Variants in TUBB2B observed in about 807,000 individuals in gnomAD.
The protein encoded by TUBB2B is tubulin beta-2B chain.
Under a neutral mutation model 35.0 loss-of-function variants are expected in TUBB2B, and 5 were observed. The ratio of observed to expected loss-of-function variants is 0.14; its 90% CI spans 0.07 to 0.30. The LOEUF is 0.30. TUBB2B is among the 10% of genes least tolerant of loss of function. TUBB2B has a pLI of 1.00. For synonymous variants in TUBB2B, 166 were observed against 250.5 expected (o/e 0.66, Z 3.18); for missense variants, 63 against 601.8 (o/e 0.10, Z 9.37).
In TUBB2B at chr6:3,227,471, G is replaced by A. The variant is rs755315321; in HGVS notation, c.57+16C>T. On this transcript the variant is annotated intron_variant, in intron 1 of 3. Transcript: ENST00000259818. The surrounding 1 kb of genome is among the most constrained non-coding windows in gnomAD (Gnocchi z 7.8). The stretch of plus-strand genomic sequence containing the variant: ...TTCGCGCCCCCATTGGACCCCCTCC[G>A]CTGCGGCGCGCCCACCTTGGCGCCG... 24 of 1,606,038 alleles carry A rather than the reference G, an allele frequency of 1.5e-5. No individual in the cohort carries two copies. The Admixed American group carries it at 3.8e-4, about 26-fold the overall frequency.
rs1757305271 is a variant in TUBB2B, at chr6:3,227,586, T to C, written c.-43A>G. On this transcript the variant is annotated 5_prime_UTR_variant, in exon 1 of 4. Coordinates refer to ENST00000259818, the MANE Select transcript of TUBB2B (RefSeq NM_178012.5). The surrounding 1 kb of genome is among the most constrained non-coding windows in gnomAD (Gnocchi z 7.8). ...CTCCTGGTCCGGCGGCGTCTGGGTC[T>C]GTCCGTCCTCCCCTCACACACCCAC... The C allele has an allele frequency of 6.2e-7, 1 of 1,607,546 alleles. No homozygotes were observed. The highest frequency in any genetic ancestry group is 1.3e-5 in the African/African-American group (1 of 74,822).
At position 3,227,646 on chromosome 6, in the gene TUBB2B, G is replaced by A. The variant is rs944428714; in HGVS notation, c.-103C>T. 1.8e-5 allele frequency: 27 copies of A among 1,511,960 alleles called. No individual in the cohort carries two copies. The Middle Eastern group carries it at 1.6e-3, about 91-fold the overall frequency. The allele number at this position is 1,511,960 out of a possible 1,614,324, so 93.7% of individuals were successfully genotyped here. A position where few individuals can be genotyped will look rare whatever the true frequency, so the allele number is the denominator to read the frequency against. ...ACCGGGAAGGCGCTCGGGAACCGAC[G>A]GGCTGAGAGCGCCGGCCCCGCGGGC... On this transcript the variant is annotated 5_prime_UTR_variant, in exon 1 of 4. Transcript: ENST00000259818. This position sits in a 1 kb window ranked among gnomAD's most constrained non-coding sequence, Gnocchi z 7.8.
Position 3,227,310 on chromosome 6 carries a change from C to A in TUBB2B, c.57+177G>T, listed in dbSNP as rs1581526828. 6.6e-6 allele frequency among the ~76,000 whole-genome samples: 1 copy of A among 152,094 alleles called. No individual in the cohort carries two copies. The highest frequency in any genetic ancestry group is 1.9e-4 in the East Asian group (1 of 5,156). ...TTACAGCAGAAAGAAAGAGAGGTGCCCCCTCCGTCCGCGAAAGTCACCTCC... is the reference window on the plus strand; with the variant it reads ...TTACAGCAGAAAGAAAGAGAGGTGCACCCTCCGTCCGCGAAAGTCACCTCC... On this transcript the variant is annotated intron_variant, in intron 1 of 3. Transcript: ENST00000259818. This position sits in a 1 kb window ranked among gnomAD's most constrained non-coding sequence, Gnocchi z 7.8.
chr6:3,227,481 G>A lies in TUBB2B; in HGVS notation c.57+6C>T, dbSNP rs374686154. The A allele has an allele frequency of 1.4e-5, 22 of 1,607,196 alleles. No individual in the cohort carries two copies. Among genetic ancestry groups the A allele is most frequent in the African/African-American group, 2.7e-5 (2 of 74,840 alleles). On this transcript the variant is annotated splice_donor_region_variant and intron_variant, in intron 1 of 3. Coordinates refer to ENST00000259818, the MANE Select transcript of TUBB2B (RefSeq NM_178012.5). This position sits in a 1 kb window ranked among gnomAD's most constrained non-coding sequence, Gnocchi z 7.8. Reference sequence around the variant, plus strand: ...CATTGGACCCCCTCCGCTGCGGCGCGCCCACCTTGGCGCCGATCTGGTTGC... The same window carrying A: ...CATTGGACCCCCTCCGCTGCGGCGCACCCACCTTGGCGCCGATCTGGTTGC...
chr6:3,224,662 T>C lies in TUBB2B; in HGVS notation c.*89A>G. Reference sequence around the variant, plus strand: ...CACACCTAAAGTAGACCATGCTTCTTTCCTTCCACTGCCAGGTTATCGTCC... The same window carrying C: ...CACACCTAAAGTAGACCATGCTTCTCTCCTTCCACTGCCAGGTTATCGTCC... On this transcript the variant is annotated 3_prime_UTR_variant, in exon 4 of 4. Transcript: ENST00000259818. 2 of 1,576,544 alleles carry C rather than the reference T, an allele frequency of 1.3e-6. No individual in the cohort carries two copies. The highest frequency in any genetic ancestry group is 2.3e-5 in the South Asian group (2 of 85,642).
In TUBB2B at chr6:3,226,923, C is replaced by A. The variant is rs1350389862; in HGVS notation, c.58-254G>T. Among the ~76,000 whole-genome samples the A allele has an allele frequency of 6.6e-6, 1 of 152,126 alleles. No individual in the cohort carries two copies. Among genetic ancestry groups the A allele is most frequent in the African/African-American group, 2.4e-5 (1 of 41,440 alleles). ...TCGAGGGGGTAAGGACCAGCCAAAG[C>A]CGGGCAGTGGCGGAGCTTGGCGCAC... On this transcript the variant is annotated intron_variant, in intron 1 of 3. Transcript: ENST00000259818. This position sits in a 1 kb window ranked among gnomAD's most constrained non-coding sequence, Gnocchi z 5.5.
chr6:3,226,430 C>T lies in TUBB2B; in HGVS notation c.166+131G>A. ...CATAAGGAAGCCCAATGAAATACTGCAGGGAAAGAGCGGGGATCCTAAACT... is the reference window on the plus strand; with the variant it reads ...CATAAGGAAGCCCAATGAAATACTGTAGGGAAAGAGCGGGGATCCTAAACT... On this transcript the variant is annotated intron_variant, in intron 2 of 3. Transcript: ENST00000259818. The surrounding 1 kb of genome is among the most constrained non-coding windows in gnomAD (Gnocchi z 5.5). 3 of 1,049,478 alleles carry T rather than the reference C, an allele frequency of 2.9e-6. No individual in the cohort carries two copies. Among genetic ancestry groups the T allele is most frequent in the South Asian group, 2.6e-5 (2 of 77,596 alleles). The allele number at this position is 1,049,478 out of a possible 1,614,324, so 65.0% of individuals were successfully genotyped here. A position where few individuals can be genotyped will look rare whatever the true frequency, so the allele number is the denominator to read the frequency against.
At position 3,227,564 on chromosome 6, in the gene TUBB2B, C is replaced by T. The variant is rs948531374; in HGVS notation, c.-21G>A. 27 of 1,610,402 alleles carry T rather than the reference C, an allele frequency of 1.7e-5. No individual in the cohort carries two copies. Among genetic ancestry groups the T allele is most frequent in the Non-Finnish European group, 2.1e-5 (25 of 1,179,632 alleles). ...CGCATGGTGCCTCGTCAGCGTCCTC[C>T]TGGTCCGGCGGCGTCTGGGTCTGTC... On this transcript the variant is annotated 5_prime_UTR_variant, in exon 1 of 4. Coordinates refer to ENST00000259818, the MANE Select transcript of TUBB2B (RefSeq NM_178012.5). This position sits in a 1 kb window ranked among gnomAD's most constrained non-coding sequence, Gnocchi z 7.8.
rs1265968013 is a variant in TUBB2B, at chr6:3,226,281, AAC to A, written c.167-14_167-13del. 6.2e-7 allele frequency: 1 copy of A among 1,610,682 alleles called. No homozygotes were observed. Among genetic ancestry groups the A allele is most frequent in the Non-Finnish European group, 8.5e-7 (1 of 1,177,090 alleles). Reference sequence around the variant, plus strand: ...AACATATTTGTTACCTGCAAGGAACAACAGTGACTTAGACCCTCAGGCAAGGA... The same window carrying A: ...AACATATTTGTTACCTGCAAGGAACAAGTGACTTAGACCCTCAGGCAAGGA... On this transcript the variant is annotated splice_polypyrimidine_tract_variant and intron_variant, in intron 2 of 3. Transcript: ENST00000259818. This position sits in a 1 kb window ranked among gnomAD's most constrained non-coding sequence, Gnocchi z 5.5.
In TUBB2B at chr6:3,227,163, G is replaced by A. The variant is rs538945316; in HGVS notation, c.57+324C>T. On this transcript the variant is annotated intron_variant, in intron 1 of 3. Coordinates refer to ENST00000259818, the MANE Select transcript of TUBB2B (RefSeq NM_178012.5). This position sits in a 1 kb window ranked among gnomAD's most constrained non-coding sequence, Gnocchi z 7.8. ...TACAATTAATCCTCCTGGTGTCCCA[G>A]CCCCTCGCGCGGAGCGCCGCGCACA... Among the ~76,000 whole-genome samples, 58 of 152,228 alleles carry A rather than the reference G, an allele frequency of 3.8e-4. No individual in the cohort carries two copies. The highest frequency in any genetic ancestry group is 1.3e-3 in the African/African-American group (56 of 41,542).
At position 3,226,500 on chromosome 6, in the gene TUBB2B, C is replaced by G; in HGVS notation, c.166+61G>C. On this transcript the variant is annotated intron_variant, in intron 2 of 3. Transcript: ENST00000259818. The surrounding 1 kb of genome is among the most constrained non-coding windows in gnomAD (Gnocchi z 5.5). ...AGGGCCACACCCCTGGGGTCCCACG[C>G]AAGGGAAAGGGGAGAAGGTGGAAAA... 2 of 1,498,530 alleles carry G rather than the reference C, an allele frequency of 1.3e-6. No individual in the cohort carries two copies. The highest frequency in any genetic ancestry group is 1.9e-6 in the Non-Finnish European group (2 of 1,075,408). 92.8% of individuals were successfully genotyped at this position (1,498,530 alleles called of 1,614,324 possible). A position where few individuals can be genotyped will look rare whatever the true frequency, so the allele number is the denominator to read the frequency against.
chr6:3,226,356 C>A lies in TUBB2B; in HGVS notation c.167-87G>T. The A allele has an allele frequency of 7.8e-7, 1 of 1,281,614 alleles. No individual in the cohort carries two copies. Among genetic ancestry groups the A allele is most frequent in the Non-Finnish European group, 1.1e-6 (1 of 890,956 alleles). 79.4% of individuals were successfully genotyped at this position (1,281,614 alleles called of 1,614,324 possible). A position where few individuals can be genotyped will look rare whatever the true frequency, so the allele number is the denominator to read the frequency against. Reference sequence around the variant, plus strand: ...GCCTGCTGCCATCATGCAGATGTTGCCCCAAACAAAGGGAGACCCACCATC... The same window carrying A: ...GCCTGCTGCCATCATGCAGATGTTGACCCAAACAAAGGGAGACCCACCATC... On this transcript the variant is annotated intron_variant, in intron 2 of 3. Transcript: ENST00000259818. The surrounding 1 kb of genome is among the most constrained non-coding windows in gnomAD (Gnocchi z 5.5).
In TUBB2B at chr6:3,226,876, C is replaced by G. The variant is rs1056948680; in HGVS notation, c.58-207G>C. ...GGGCGTTTCCCAGGCAAACAGCTGC[C>G]GCTCGCGGGGGGAGGTAGGGGTCGA... On this transcript the variant is annotated intron_variant, in intron 1 of 3. Transcript: ENST00000259818. The surrounding 1 kb of genome is among the most constrained non-coding windows in gnomAD (Gnocchi z 5.5). Among the ~76,000 whole-genome samples the G allele has an allele frequency of 1.4e-4, 22 of 152,126 alleles. No homozygotes were observed. Among genetic ancestry groups the G allele is most frequent in the African/African-American group, 4.6e-4 (19 of 41,428 alleles).
In TUBB2B at chr6:3,227,399, C is replaced by T; in HGVS notation, c.57+88G>A. On this transcript the variant is annotated intron_variant, in intron 1 of 3. Transcript: ENST00000259818. The surrounding 1 kb of genome is among the most constrained non-coding windows in gnomAD (Gnocchi z 7.8). Reference sequence around the variant, plus strand: ...AGGTCTGCATTTGGCGATCCCCAGGCCTTCCCAGGACCGCGCCTGGGGACC... The same window carrying T: ...AGGTCTGCATTTGGCGATCCCCAGGTCTTCCCAGGACCGCGCCTGGGGACC... The T allele has an allele frequency of 6.5e-7, 1 of 1,548,976 alleles. No individual in the cohort carries two copies. Among genetic ancestry groups the T allele is most frequent in the Non-Finnish European group, 8.7e-7 (1 of 1,144,918 alleles).
chr6:3,227,614 C>CG lies in TUBB2B; in HGVS notation c.-72dup. On this transcript the variant is annotated 5_prime_UTR_variant, in exon 1 of 4. Coordinates refer to ENST00000259818, the MANE Select transcript of TUBB2B (RefSeq NM_178012.5). The surrounding 1 kb of genome is among the most constrained non-coding windows in gnomAD (Gnocchi z 7.8). ...CCGTCCTCCCCTCACACACCCACTG[C>CG]GGGGTCACCGGGAAGGCGCTCGGGA... The CG allele has an allele frequency of 6.3e-7, 1 of 1,581,288 alleles. No homozygotes were observed. Among genetic ancestry groups the CG allele is most frequent in the Non-Finnish European group, 8.6e-7 (1 of 1,163,242 alleles).
In TUBB2B at chr6:3,226,073, T is replaced by C. The variant is rs1397858883; in HGVS notation, c.277+86A>G. Reference sequence around the variant, plus strand: ...GGCACACCGCGGATGTTCTTCATGCTTTCCCTCTGGCAATCACACCTCTTC... The same window carrying C: ...GGCACACCGCGGATGTTCTTCATGCCTTCCCTCTGGCAATCACACCTCTTC... On this transcript the variant is annotated intron_variant, in intron 3 of 3. Transcript: ENST00000259818. The surrounding 1 kb of genome is among the most constrained non-coding windows in gnomAD (Gnocchi z 5.5). The C allele has an allele frequency of 7.0e-7, 1 of 1,424,792 alleles. No homozygotes were observed. The highest frequency in any genetic ancestry group is 2.3e-5 in the East Asian group (1 of 43,966). 88.3% of individuals were successfully genotyped at this position (1,424,792 alleles called of 1,614,324 possible). A position where few individuals can be genotyped will look rare whatever the true frequency, so the allele number is the denominator to read the frequency against.
Position 3,226,322 on chromosome 6 carries a change from G to T in TUBB2B, c.167-53C>A. Reference sequence around the variant, plus strand: ...CTCAGGCAAGGACCTCTGCAGAGAAGGGCTTGGCGCCTGCTGCCATCATGC... The same window carrying T: ...CTCAGGCAAGGACCTCTGCAGAGAATGGCTTGGCGCCTGCTGCCATCATGC... On this transcript the variant is annotated intron_variant, in intron 2 of 3. Coordinates refer to ENST00000259818, the MANE Select transcript of TUBB2B (RefSeq NM_178012.5). The surrounding 1 kb of genome is among the most constrained non-coding windows in gnomAD (Gnocchi z 5.5). 6.6e-7 allele frequency: 1 copy of T among 1,510,216 alleles called. No homozygotes were observed. The highest frequency in any genetic ancestry group is 9.2e-7 in the Non-Finnish European group (1 of 1,089,258). The allele number at this position is 1,510,216 out of a possible 1,614,324, so 93.6% of individuals were successfully genotyped here.
chr6:3,224,919 C>G lies in TUBB2B; in HGVS notation c.1170G>C (p.Arg390=). The G allele has an allele frequency of 1.3e-6, 2 of 1,590,248 alleles. No homozygotes were observed. The highest frequency in any genetic ancestry group is 1.7e-6 in the Non-Finnish European group (2 of 1,172,562). ...TGTACCAGTGCAGGAAGGCCTTGCG[C>G]CGGAACATGGCCGTGAACTGCTCGG... The part of the protein sequence containing the change: ...RISEQFTAMF[R]RKAFLHWYTG... The change falls in exon 4 of 4, where the codon CGG becomes CGC. Residue 390 remains arginine (R), a synonymous_variant. Transcript: ENST00000259818.
Position 3,224,802 on chromosome 6 carries a change from C to T in TUBB2B, c.1287G>A (p.Thr429=), listed in dbSNP as rs765535722. The T allele has an allele frequency of 3.7e-6, 6 of 1,613,522 alleles. No individual in the cohort carries two copies. Among genetic ancestry groups the T allele is most frequent in the Middle Eastern group, 1.7e-4 (1 of 6,056 alleles). The stretch of plus-strand genomic sequence containing the variant: ...CCTCGAACTCCCCTTGTTCGTCGGC[C>T]GTGGCGTCCTGGTACTGCTGGTACT... ...VSEYQQYQDA[T]ADEQGEFEEE... The change falls in exon 4 of 4, where the codon ACG becomes ACA. Residue 429 remains threonine, a synonymous_variant. Coordinates refer to ENST00000259818, the MANE Select transcript of TUBB2B (RefSeq NM_178012.5).
Sources: allele counts gnomAD v4.1 joint callset (sites outside exome capture counted in the v4.1 genomes callset), GRCh38; gene constraint gnomAD v4.1.1; non-coding constraint Gnocchi (gnomAD v3.1); transcripts MANE v1.5; gene names NCBI Gene and HGNC (gene_info 2026-07-23, HGNC 2026-07-21).